GRIK1: variants seen among roughly 807,000 people sequenced by gnomAD.
GRIK1 encodes the protein glutamate ionotropic receptor kainate type subunit 1, also known as glutamate receptor ionotropic, kainate 1.
Under a neutral mutation model 105.7 loss-of-function variants are expected in GRIK1, and 69 were observed. The ratio of observed to expected loss-of-function variants is 0.65; its 90% confidence interval spans 0.54 to 0.80. The LOEUF (loss-of-function observed/expected upper bound fraction) is 0.80. GRIK1 is among the 30% of genes least tolerant of loss of function. The probability of loss-of-function intolerance (pLI) is 0.00; values close to 1 mark genes in which losing one functional copy is unlikely to be tolerated. For missense variants in GRIK1, 1,109 were observed against 1,167.3 expected (o/e 0.95, Z 0.73); for synonymous variants, 438 against 431.3 (o/e 1.02, Z -0.19).
chr21:29,922,712 C>T (rs575465261), intron 1 of GRIK1, among the ~76,000 whole-genome samples: 1 of 152,284 alleles, frequency 6.6e-6, no homozygotes, highest in East Asian at 1.9e-4. Flanking sequence ...TTAAAAATGA[C>T]TAAAGTTCAA....
intron 1 of GRIK1, among the ~76,000 whole-genome samples, chr21:29,764,625 G>T (rs552601851): frequency 2.6e-5 from 4 of 152,238 alleles, no homozygotes; most frequent in East Asian, 3.9e-4. Flanking sequence ...CCCTAGGCAA[G>T]GTCAGTAGTG....
chr21:29,788,439 T>C (rs1254197466), intron 1 of GRIK1, among the ~76,000 whole-genome samples: 1 of 151,964 alleles, frequency 6.6e-6, no homozygotes, highest in Non-Finnish European at 1.5e-5. Context: ...GTGAGCACAG[T>C]TGAGATGGGA....
At chr21:29,748,193 C>T (rs2065093544) in intron 1 of GRIK1, 1 of 152,122 alleles carries the variant, frequency 6.6e-6, no homozygotes, top group African/African-American at 2.4e-5. Context: ...TCTGTTGATT[C>T]AAAAGAAGGT....
intron 1 of GRIK1, among the ~76,000 whole-genome samples, chr21:29,860,800 C>T (rs1034584414): frequency 6.6e-6 from 1 of 152,108 alleles, no homozygotes; most frequent in Non-Finnish European, 1.5e-5. Context: ...AATACAGTAG[C>T]CACTAGCCTC....
chr21:29,595,045 C>T (rs2061384531), intron 9 of GRIK1, among the ~76,000 whole-genome samples: 1 of 152,070 alleles, frequency 6.6e-6, no homozygotes, highest in African/African-American at 2.4e-5. Flanking sequence ...TGCTAGAACT[C>T]AGGTTACCGT....
intron 16 of GRIK1, among the ~76,000 whole-genome samples, chr21:29,552,461 T>A (rs2090151445): frequency 3.3e-5 from 5 of 152,104 alleles, no homozygotes; most frequent in Admixed American, 3.3e-4. Flanking sequence ...TCTACAGAGA[T>A]CTGTAACTAA....
At chr21:29,597,621 C>G (rs1241018215) in intron 8 of GRIK1, 1 of 462,162 alleles carries the variant, frequency 2.2e-6, no homozygotes, top group South Asian at 1.6e-5. Context: ...TGTGCTCTAT[C>G]AGGGCATGTC....
intron 1 of GRIK1, among the ~76,000 whole-genome samples, chr21:29,884,141 G>A (rs563956666): frequency 4.1e-4 from 62 of 152,056 alleles, no homozygotes; most frequent in Non-Finnish European, 6.6e-4. Flanking sequence ...CCATATCACT[G>A]TTCGATAAGC....
rs1167564962 is a variant in GRIK1, at chr21:29,560,400, C to CCTTTCTTTCTTTCTTT, written c.2356+1208_2356+1223dup. Among the ~76,000 whole-genome samples the CCTTTCTTTCTTTCTTT allele has an allele frequency of 1.8e-3, 120 of 67,106 alleles. 9 individuals carry two copies. Among genetic ancestry groups the CCTTTCTTTCTTTCTTT allele is most frequent in the East Asian group, 7.7e-3 (18 of 2,326 alleles). The allele number at this position is 67,106 out of a possible 152,430, so 44.0% of individuals were successfully genotyped here. A position where few individuals can be genotyped will look rare whatever the true frequency, so the allele number is the denominator to read the frequency against. On this transcript the variant is annotated intron_variant, in intron 15 of 17. Coordinates refer to ENST00000327783, the MANE Select transcript of GRIK1 (RefSeq NM_001330994.2). The stretch of plus-strand genomic sequence containing the variant: ...TCCTTCCTTCCTTCCTTCCTTCCTT[C>CCTTTCTTTCTTTCTTT]CTTTCTTTCTTTCTTTCTTTCTTTC...
chr21:29,708,670 T>A (rs549699488), intron 1 of GRIK1, among the ~76,000 whole-genome samples: 15 of 152,336 alleles, frequency 9.8e-5, no homozygotes, highest in Non-Finnish European at 1.9e-4. Context: ...ACACCTCTCT[T>A]CTGTTTCCCT....
intron 15 of GRIK1, 108 bp from the exon 16 acceptor site, chr21:29,555,410 C>A (rs2090227081): frequency 3.1e-6 from 3 of 975,724 alleles, no homozygotes; most frequent in Admixed American, 2.2e-5. Context: ...TGTTGTGAGA[C>A]CCCAATCCAC....
rs556179826 is a variant in GRIK1 at position 29,600,679 on chromosome 21, A to G, written c.1099-1742T>C. ...GGCAGAGCAATGCAGTGAATTTTCCATACCTCTAGGGCTGAATATCTGCAG... is the reference window on the plus strand; with the variant it reads ...GGCAGAGCAATGCAGTGAATTTTCCGTACCTCTAGGGCTGAATATCTGCAG... On this transcript the variant is annotated intron_variant, in intron 7 of 17. Coordinates refer to ENST00000327783, the MANE Select transcript of GRIK1 (RefSeq NM_001330994.2). Among the ~76,000 whole-genome samples the G allele has an allele frequency of 3.9e-5, 6 of 152,340 alleles. No homozygotes were observed. In the South Asian group the frequency reaches 1.0e-3, roughly 26 times the overall value.
At chr21:29,606,039 G>C (rs1298751975) in intron 7 of GRIK1, among the ~76,000 whole-genome samples, 1 of 149,362 alleles carries the variant, frequency 6.7e-6, no homozygotes, top group Non-Finnish European at 1.5e-5. Flanking sequence ...AAAAAAGATT[G>C]TGTGACCTTC....
At chr21:29,587,728 A>G (rs923648700) in intron 11 of GRIK1, 139 bp from the exon 12 acceptor site, 1 of 486,714 alleles carries the variant, frequency 2.1e-6, no homozygotes, top group Non-Finnish European at 3.4e-6. Context: ...TGGTTCTAAT[A>G]AAAAAAAGCC....
At chr21:29,556,215 A>G (rs1340645503) in intron 15 of GRIK1, among the ~76,000 whole-genome samples, 4 of 152,208 alleles carry the variant, frequency 2.6e-5, no homozygotes, top group African/African-American at 7.2e-5. Flanking sequence ...TTCAATATGC[A>G]TGTGTCAGGA....
rs537950772 is a variant in GRIK1, at chr21:29,677,394, G to GT, written c.545-4231dup. ...ATAAACGCTTTACAGAAAGAAGGCT[G>GT]TTTTTTTTCACATGAATTTGAGCTA... On this transcript the variant is annotated intron_variant, in intron 3 of 17. Coordinates refer to ENST00000327783, the MANE Select transcript of GRIK1 (RefSeq NM_001330994.2). Among the ~76,000 whole-genome samples the GT allele has an allele frequency of 8.5e-4, 129 of 152,046 alleles. 4 individuals carry two copies. The East Asian group carries it at 0.019, about 22-fold the overall frequency.
At chr21:29,538,999 A>T (rs1254536390) in intron 16 of GRIK1, among the ~76,000 whole-genome samples, 2 of 152,098 alleles carry the variant, frequency 1.3e-5, no homozygotes, top group African/African-American at 2.4e-5. Flanking sequence ...AAAACTTTTT[A>T]TCTCTTTTAA....
chr21:29,718,714 CAT>C lies in GRIK1; in HGVS notation c.119-24653_119-24652del, dbSNP rs1601525126. 2.0e-5 allele frequency among the ~76,000 whole-genome samples: 3 copies of C among 152,286 alleles called. No individual in the cohort carries two copies. The East Asian group carries it at 5.8e-4, about 29-fold the overall frequency. On this transcript the variant is annotated intron_variant, in intron 1 of 17. Transcript: ENST00000327783. ...CCTTGACAATGGCAAAGCATGATCA[CAT>C]GTTTACCGCCAAGACATAGAGCCAA...
intron 1 of GRIK1, among the ~76,000 whole-genome samples, chr21:29,773,216 C>G (rs1426968664): frequency 1.3e-5 from 2 of 152,140 alleles, no homozygotes; most frequent in Non-Finnish European, 2.9e-5. Flanking sequence ...AGTGTAAGTC[C>G]TTCTTCTGAA....
Sources: allele counts gnomAD v4.1 joint callset (sites outside exome capture counted in the v4.1 genomes callset), GRCh38; gene constraint gnomAD v4.1.1; transcripts MANE v1.5; gene names NCBI Gene and HGNC (gene_info 2026-07-23, HGNC 2026-07-21).